Variants in RIC1 observed in about 807,000 individuals in gnomAD.
RIC1 encodes RIC1 partner of RAB6A GEF complex.
A neutral mutation model predicts 169.0 loss-of-function variants in RIC1; 88 were observed. The observed-to-expected ratio is 0.52, with a 90% CI of 0.44 to 0.62. RIC1 has a LOEUF of 0.62. RIC1 is among the 20% of genes least tolerant of loss of function. RIC1 has a pLI of 0.00. For missense variants in RIC1, 1,877 were observed against 1,725.5 expected (o/e 1.09, Z -1.56); for synonymous variants, 790 against 601.5 (o/e 1.31, Z -4.59).
chr9:5,739,048 A>G (rs1464462157), intron 8 of RIC1, among the ~76,000 whole-genome samples: 2 of 152,096 alleles, frequency 1.3e-5, no homozygotes. Context: ...GAGAAGTGCA[A>G]TTATAGGGTT....
At chr9:5,683,932 G>T (rs957055820) in intron 2 of RIC1, among the ~76,000 whole-genome samples, 2 of 152,192 alleles carry the variant, frequency 1.3e-5, no homozygotes, top group Non-Finnish European at 2.9e-5. Flanking sequence ...GTGGGCATAG[G>T]ACCCTCCGAG....
rs750433264 is a variant in RIC1 at position 5,743,778 on chromosome 9, A to G, written c.1095+41A>G. ...AAAAAATTGGCATGGTATTAAAAAA[A>G]CTTGGATTTTTCTTCCCTTTTTTCA... On this transcript the variant is annotated intron_variant, in intron 10 of 25. Coordinates refer to ENST00000414202, the MANE Select transcript of RIC1 (RefSeq NM_020829.4). 2.7e-6 allele frequency: 4 copies of G among 1,456,290 alleles called. No homozygotes were observed. The African/African-American group carries it at 5.7e-5, about 21-fold the overall frequency. 90.2% of individuals were successfully genotyped at this position (1,456,290 alleles called of 1,614,324 possible).
intron 2 of RIC1, among the ~76,000 whole-genome samples, chr9:5,674,022 C>G (rs1820285335): frequency 6.6e-6 from 1 of 152,056 alleles, no homozygotes; most frequent in Non-Finnish European, 1.5e-5. Flanking sequence ...TCGTCATAAC[C>G]AGTTACATTA....
At chr9:5,681,006 T>G (rs1448430812) in intron 2 of RIC1, among the ~76,000 whole-genome samples, 1 of 150,948 alleles carries the variant, frequency 6.6e-6, no homozygotes, top group Non-Finnish European at 1.5e-5. Flanking sequence ...TTTTGTATTT[T>G]TAGTAGAGAC....
At chr9:5,630,770 A>G (rs556968599) in intron 1 of RIC1, among the ~76,000 whole-genome samples, 1 of 152,242 alleles carries the variant, frequency 6.6e-6, no homozygotes, top group African/African-American at 2.4e-5. Context: ...GTGTGTATAT[A>G]TATAAACATA....
At chr9:5,656,738 A>G (rs201524874) in intron 2 of RIC1, 48 bp downstream of exon 2, 40 of 1,055,090 alleles carry the variant, frequency 3.8e-5, no homozygotes, top group Non-Finnish European at 5.5e-5. Flanking sequence ...AAATCATTAC[A>G]TCGCATTTAA....
At chr9:5,629,581 CGCGTCCTCGT>C in intron 1 of RIC1, 128 bp downstream of exon 1, 1 of 1,058,538 alleles carries the variant, frequency 9.4e-7, no homozygotes, top group Non-Finnish European at 1.3e-6. Context: ...CTTCGCAGTC[CGCGTCCTCGT>C]TCCACCGAAT....
chr9:5,667,600 G>C (rs1010088949), intron 2 of RIC1, among the ~76,000 whole-genome samples: 5 of 151,436 alleles, frequency 3.3e-5, no homozygotes, highest in Non-Finnish European at 4.4e-5. Context: ...GATTTCCTGG[G>C]CTTAAGTAAT....
chr9:5,723,167 C>G (rs1823719169), intron 6 of RIC1, among the ~76,000 whole-genome samples: 1 of 152,146 alleles, frequency 6.6e-6, no homozygotes, highest in African/African-American at 2.4e-5. Context: ...GTTTACAGTC[C>G]CACCAACAGT....
chr9:5,723,270 C>A (rs2130879828), intron 6 of RIC1, among the ~76,000 whole-genome samples: 1 of 152,326 alleles, frequency 6.6e-6, no homozygotes, highest in East Asian at 1.9e-4. Context: ...GAGATGGTAT[C>A]TCATTGTGGT....
intron 2 of RIC1, among the ~76,000 whole-genome samples, chr9:5,659,904 T>A (rs1275006185): frequency 3.3e-5 from 5 of 152,166 alleles, no homozygotes; most frequent in Non-Finnish European, 7.4e-5. Flanking sequence ...TAGGTAAACA[T>A]GTGCTATGGT....
In RIC1 at chr9:5,762,635, G is replaced by A; in HGVS notation, c.2087G>A (p.Ser696Asn). 1 of 1,613,964 alleles carries A rather than the reference G, an allele frequency of 6.2e-7. No homozygotes were observed. Among genetic ancestry groups the A allele is most frequent in the Non-Finnish European group, 8.5e-7 (1 of 1,179,918 alleles). Reference sequence around the variant, plus strand: ...GGCCCACAGATCCGGGAGAAGGACAGTAACCCTAATAACCAAAGGAAACTT... The same window carrying A: ...GGCCCACAGATCCGGGAGAAGGACAATAACCCTAATAACCAAAGGAAACTT... ...RSGPQIREKD[S>N]NPNNQRKLLP... is the part of the protein sequence containing the mutation. The change falls in exon 18 of 26, where the codon AGT becomes AAT. Residue 696 changes from serine (S) to asparagine (N), a missense_variant. Ser to Asn is a conservative substitution (Grantham distance 46). Transcript: ENST00000414202.
chr9:5,736,437 C>G (rs1824710907), intron 7 of RIC1, among the ~76,000 whole-genome samples: 1 of 152,186 alleles, frequency 6.6e-6, no homozygotes, highest in African/African-American at 2.4e-5. Context: ...ACAAAATTAT[C>G]TCTCTGTAAC....
At chr9:5,695,015 G>A (rs1453489065) in intron 3 of RIC1, among the ~76,000 whole-genome samples, 1 of 152,118 alleles carries the variant, frequency 6.6e-6, no homozygotes, top group Non-Finnish European at 1.5e-5. Flanking sequence ...CTAGTAGAGG[G>A]TGATAAGTAA....
intron 3 of RIC1, among the ~76,000 whole-genome samples, chr9:5,705,192 G>T (rs371614695): frequency 1.3e-3 from 149 of 113,174 alleles, no homozygotes; most frequent in African/African-American, 1.8e-3. Flanking sequence ...TCCCATTTCT[G>T]TTTTTTTTTT....
chr9:5,696,307 G>A (rs1454044932), intron 3 of RIC1, among the ~76,000 whole-genome samples: 1 of 151,256 alleles, frequency 6.6e-6, no homozygotes, highest in Non-Finnish European at 1.5e-5. Flanking sequence ...CTGGCATTTA[G>A]AACCTACTTT....
intron 1 of RIC1, among the ~76,000 whole-genome samples, chr9:5,634,781 A>G (rs1272007968): frequency 1.3e-5 from 2 of 152,052 alleles, no homozygotes. Context: ...CCAAAATACC[A>G]TCGTGAAAAC....
At chr9:5,707,531 A>G (rs995796587) in intron 3 of RIC1, among the ~76,000 whole-genome samples, 1 of 152,038 alleles carries the variant, frequency 6.6e-6, no homozygotes, top group Non-Finnish European at 1.5e-5. Flanking sequence ...TTCTTCATAT[A>G]TTAATATTTT....
intron 17 of RIC1, among the ~76,000 whole-genome samples, chr9:5,758,651 A>G (rs911296567): frequency 1.3e-5 from 2 of 151,228 alleles, no homozygotes; most frequent in African/African-American, 2.4e-5. Flanking sequence ...TCTGCATGCT[A>G]AATACTTCCA....
Sources: gnomAD v4.1 joint callset for allele counts (sites outside exome capture counted in the v4.1 genomes callset) on GRCh38, gnomAD v4.1.1 for gene constraint, MANE v1.5 for transcripts, NCBI Gene and HGNC (gene_info 2026-07-23, HGNC 2026-07-21) for gene names.